RNF150: variants seen among roughly 807,000 people sequenced by gnomAD.
RNF150 encodes ring finger protein 150.
In RNF150, 24 loss-of-function variants were observed where a neutral mutation model predicts 39.3. That is an observed-to-expected ratio of 0.61 (90% CI 0.44 to 0.86). RNF150 has a LOEUF of 0.86. Among genes scored for constraint, RNF150 ranks in the 40% least tolerant of loss-of-function variants. The pLI is 0.00. For synonymous variants in RNF150, 255 were observed against 227.3 expected (o/e 1.12, Z -1.10); for missense variants, 502 against 587.8 (o/e 0.85, Z 1.51).
rs12233720 is a variant in RNF150, at chr4:140,865,321, G to A, written c.*2940C>T. ...AAATTATGTCTGTGACTTGCATTAC[G>A]TTTCTGTTGGACAGTGCTAGTCTAG... On this transcript the variant is annotated 3_prime_UTR_variant, in exon 7 of 7. Transcript: ENST00000515673. The A allele has an allele frequency of 0.09, 13,736 of 152,270 alleles. 928 individuals are homozygous for A. Among genetic ancestry groups the A allele is most frequent in the East Asian group, 0.38 (1,972 of 5,166 alleles). The allele number at this position is 152,270 out of a possible 1,614,324, so 9.4% of individuals were successfully genotyped here.
chr4:141,181,119 G>A (rs898700545), intron 1 of RNF150, among the ~76,000 whole-genome samples: 2 of 152,164 alleles, frequency 1.3e-5, no homozygotes, highest in Admixed American at 6.5e-5. Context: ...GTCTTTCGGG[G>A]TTTATTCATC....
chr4:141,170,321 C>T (rs774834138), intron 1 of RNF150, among the ~76,000 whole-genome samples: 2 of 152,088 alleles, frequency 1.3e-5, no homozygotes, highest in South Asian at 2.1e-4. Flanking sequence ...ATAGATGACA[C>T]GTACTCTATG....
At chr4:140,975,463 T>C (rs1372828586) in intron 1 of RNF150, among the ~76,000 whole-genome samples, 1 of 152,140 alleles carries the variant, frequency 6.6e-6, no homozygotes, top group East Asian at 1.9e-4. Flanking sequence ...ACACTAAATA[T>C]TTCCCATTGT....
intron 1 of RNF150, among the ~76,000 whole-genome samples, chr4:141,065,992 G>A (rs1737440100): frequency 6.6e-6 from 1 of 151,950 alleles, no homozygotes; most frequent in Admixed American, 6.6e-5. Context: ...GTAACACACT[G>A]CAGGCATTCT....
chr4:140,885,458 C>T (rs1351766361), intron 6 of RNF150, among the ~76,000 whole-genome samples: 24 of 98,700 alleles, frequency 2.4e-4, no homozygotes, highest in Admixed American at 1.8e-3. Context: ...TTTTTTGAGA[C>T]GGAGTTTTGC....
chr4:141,004,136 G>A (rs1046158911), intron 1 of RNF150, among the ~76,000 whole-genome samples: 1 of 151,946 alleles, frequency 6.6e-6, no homozygotes, highest in East Asian at 1.9e-4. Flanking sequence ...GCCATGCTAG[G>A]CTCTATGGCT....
At chr4:140,957,345 A>T (rs1732802631) in intron 2 of RNF150, among the ~76,000 whole-genome samples, 1 of 151,946 alleles carries the variant, frequency 6.6e-6, no homozygotes, top group Non-Finnish European at 1.5e-5. Flanking sequence ...TCAAAACCAC[A>T]ATGAGATACC....
At chr4:140,933,193 C>T (rs1000099150) in intron 4 of RNF150, among the ~76,000 whole-genome samples, 4 of 152,014 alleles carry the variant, frequency 2.6e-5, no homozygotes, top group Admixed American at 2.0e-4. Context: ...CTGAATTCAG[C>T]GAAGGGAGAA....
intron 1 of RNF150, among the ~76,000 whole-genome samples, chr4:141,052,112 G>A (rs1736799036): frequency 6.6e-6 from 1 of 152,058 alleles, no homozygotes; most frequent in Non-Finnish European, 1.5e-5. Context: ...CATGAGAACA[G>A]TGCAGAAAAG....
At position 141,132,277 on chromosome 4, in the gene RNF150, C is replaced by T. The variant is rs1470210570; in HGVS notation, c.484+48G>A. The T allele has an allele frequency of 1.3e-6, 2 of 1,547,230 alleles. No homozygotes were observed. The stretch of plus-strand genomic sequence containing the variant: ...GGCAGGCGCTGGATCCCTCTAGGCA[C>T]CTCCGTCCCCGCCGGCTCCCCTCCC... On this transcript the variant is annotated intron_variant, in intron 1 of 6. Transcript: ENST00000515673. The surrounding 1 kb of genome is among the most constrained non-coding windows in gnomAD (Gnocchi z 4.9).
intron 1 of RNF150, among the ~76,000 whole-genome samples, chr4:141,002,644 C>T (rs1193091967): frequency 6.6e-6 from 1 of 152,168 alleles, no homozygotes; most frequent in African/African-American, 2.4e-5. Context: ...TTAGGAAGGA[C>T]CGCTGCATGC....
At chr4:140,959,442 T>G (rs575368981) in intron 2 of RNF150, among the ~76,000 whole-genome samples, 1 of 152,168 alleles carries the variant, frequency 6.6e-6, no homozygotes, top group East Asian at 1.9e-4. Context: ...TGCTCCTAAG[T>G]GTCACAGGGC....
chr4:140,908,266 A>T (rs1001990160), intron 6 of RNF150, among the ~76,000 whole-genome samples: 9 of 152,230 alleles, frequency 5.9e-5, no homozygotes, highest in African/African-American at 2.2e-4. Context: ...TATAGAGCAG[A>T]GGCTTTTTCT....
At chr4:141,167,159 C>T (rs1199339861) in intron 1 of RNF150, among the ~76,000 whole-genome samples, 2 of 152,016 alleles carry the variant, frequency 1.3e-5, no homozygotes, top group East Asian at 3.9e-4. Context: ...AATAGACAAG[C>T]AGAGAGCCAA....
At chr4:141,059,236 C>A (rs1243675971) in intron 1 of RNF150, among the ~76,000 whole-genome samples, 1 of 152,160 alleles carries the variant, frequency 6.6e-6, no homozygotes, top group African/African-American at 2.4e-5. Context: ...AACAACACAG[C>A]CAATGGGCTG....
intron 1 of RNF150, among the ~76,000 whole-genome samples, chr4:141,092,424 TA>T (rs978001314): frequency 2.6e-5 from 4 of 152,186 alleles, no homozygotes; most frequent in African/African-American, 7.2e-5. Flanking sequence ...AGCAATATCT[TA>T]AAAAAATTTG....
At chr4:141,049,409 T>C (rs533883435) in intron 1 of RNF150, among the ~76,000 whole-genome samples, 39 of 152,002 alleles carry the variant, frequency 2.6e-4, no homozygotes, top group African/African-American at 9.2e-4. Context: ...AGAAAAAATA[T>C]TTATATGAAC....
intron 1 of RNF150, among the ~76,000 whole-genome samples, chr4:141,058,447 T>A (rs948883281): frequency 6.6e-6 from 1 of 152,068 alleles, no homozygotes; most frequent in Non-Finnish European, 1.5e-5. Flanking sequence ...TAGTCTGCCT[T>A]TTCCCACAAA....
chr4:140,999,988 G>T lies in RNF150; in HGVS notation c.485-32115C>A, dbSNP rs779167154. 1.1e-4 allele frequency among the ~76,000 whole-genome samples: 3 copies of T among 28,186 alleles called. 1 individual carries two copies. Among genetic ancestry groups the T allele is most frequent in the Non-Finnish European group, 3.0e-4 (3 of 9,986 alleles). The allele number at this position is 28,186 out of a possible 152,430, so 18.5% of individuals were successfully genotyped here. ...GAAGAAGAAGAAGAAAAGAAGAAAA[G>T]AAGAAAAGAAGAAGAAGAAGAAGAA... On this transcript the variant is annotated intron_variant, in intron 1 of 6. Coordinates refer to ENST00000515673, the MANE Select transcript of RNF150 (RefSeq NM_020724.2).
Sources: allele counts gnomAD v4.1 joint callset (sites outside exome capture counted in the v4.1 genomes callset), GRCh38; gene constraint gnomAD v4.1.1; non-coding constraint Gnocchi (gnomAD v3.1); transcripts MANE v1.5; gene names NCBI Gene and HGNC (gene_info 2026-07-23, HGNC 2026-07-21).